The following PACSIN1 variants were observed in gnomAD, a reference collection of about 807,000 sequenced individuals.
PACSIN1 encodes the protein protein kinase C and casein kinase substrate in neurons protein 1.
PACSIN1 carries 15 observed loss-of-function variants against 59.5 expected under a neutral mutation model. The observed-to-expected ratio is 0.25, with a 90% CI of 0.17 to 0.39. The LOEUF (loss-of-function observed/expected upper bound fraction) is 0.39, where lower values mean the gene tolerates loss of function less well. Among genes scored for constraint, PACSIN1 ranks in the 10% least tolerant of loss-of-function variants. The pLI, the probability that PACSIN1 is intolerant of heterozygous loss-of-function variation, is 1.00. For synonymous variants in PACSIN1, 210 were observed against 220.6 expected (o/e 0.95, Z 0.42); for missense variants, 420 against 580.2 (o/e 0.72, Z 2.84).
chr6:34,485,099 T>C (rs901315143), intron 1 of PACSIN1: 1 of 151,938 alleles, frequency 6.6e-6, no homozygotes, highest in Non-Finnish European at 1.5e-5. Context: ...TGAGGATGAG[T>C]CAACAGGTTG....
At chr6:34,527,652 TC>T (rs1330310796) in intron 3 of PACSIN1, 164 bp downstream of exon 3, 6 of 456,644 alleles carry the variant, frequency 1.3e-5, no homozygotes, top group Non-Finnish European at 2.2e-5. Context: ...GCCTACCTGT[TC>T]ATCTCTATTT....
At chr6:34,501,459 G>A (rs1767021212) in intron 1 of PACSIN1, among the ~76,000 whole-genome samples, 1 of 152,244 alleles carries the variant, frequency 6.6e-6, no homozygotes, top group Non-Finnish European at 1.5e-5. Context: ...GCTAGGAGCA[G>A]ACGAGGTCAG....
At position 34,531,538 on chromosome 6, in the gene PACSIN1, G is replaced by C; in HGVS notation, c.1038-62G>C. ...GATCAGGGCTCTGATTAGGAGGAGC[G>C]GTTAGCCCTCGGGATGCGGTACGGG... On this transcript the variant is annotated intron_variant, in intron 8 of 9. Transcript: ENST00000244458. This position sits in a 1 kb window ranked among gnomAD's most constrained non-coding sequence, Gnocchi z 4.4. 1 of 1,537,758 alleles carries C rather than the reference G, an allele frequency of 6.5e-7. No individual in the cohort carries two copies. Among genetic ancestry groups the C allele is most frequent in the South Asian group, 1.2e-5 (1 of 86,932 alleles).
rs932143177 is a variant in PACSIN1, at chr6:34,528,854, C to A, written c.433C>A (p.Pro145Thr). 6.3e-7 allele frequency: 1 copy of A among 1,590,972 alleles called. No homozygotes were observed. The highest frequency in any genetic ancestry group is 8.6e-7 in the Non-Finnish European group (1 of 1,166,984). Residue 145 changes from proline (P) to threonine (T), a missense_variant, in exon 4 of 10, where the codon CCT (proline) becomes ACT (threonine). Pro to Thr is a conservative substitution (Grantham distance 38). Transcript: ENST00000244458. ...AGATGGCTTCCGCAAGGCCCAGAAG[C>A]CTTGGGCCAAGAAGATGAAGGAGGT... ...AEDGFRKAQK[P>T]WAKKMKELEA...
At position 34,514,717 on chromosome 6, in the gene PACSIN1, G is replaced by A. The variant is rs959983058; in HGVS notation, c.-63-11526G>A. Among the ~76,000 whole-genome samples, 2 of 152,200 alleles carry A rather than the reference G, an allele frequency of 1.3e-5. No individual in the cohort carries two copies. The highest frequency in any genetic ancestry group is 2.9e-5 in the Non-Finnish European group (2 of 68,020). ...GTTGATGCGGCGCCGTGCGGGAGGCGGGCATCCCCTGCTGTACATGGGAGG... is the reference window on the plus strand; with the variant it reads ...GTTGATGCGGCGCCGTGCGGGAGGCAGGCATCCCCTGCTGTACATGGGAGG... On this transcript the variant is annotated intron_variant, in intron 1 of 9. Coordinates refer to ENST00000244458, the MANE Select transcript of PACSIN1 (RefSeq NM_020804.5). This position sits in a 1 kb window ranked among gnomAD's most constrained non-coding sequence, Gnocchi z 4.4.
chr6:34,530,802 C>T lies in PACSIN1; in HGVS notation c.1037+215C>T, dbSNP rs1008626693. 4.6e-5 allele frequency among the ~76,000 whole-genome samples: 7 copies of T among 152,168 alleles called. No homozygotes were observed. Among genetic ancestry groups the T allele is most frequent in the Non-Finnish European group, 4.4e-5 (3 of 68,018 alleles). ...AAGACAATTTTTCCACGGATGGGAG[C>T]GGGGTGGTTTTCGGATGAAACTGTT... On this transcript the variant is annotated intron_variant, in intron 8 of 9. Coordinates refer to ENST00000244458, the MANE Select transcript of PACSIN1 (RefSeq NM_020804.5). The surrounding 1 kb of genome is among the most constrained non-coding windows in gnomAD (Gnocchi z 4.4).
In PACSIN1 at chr6:34,532,339, A is replaced by G. The variant is rs1422259484; in HGVS notation, c.1226-82A>G. 3.3e-6 allele frequency: 3 copies of G among 900,996 alleles called. No homozygotes were observed. The highest frequency in any genetic ancestry group is 2.1e-5 in the Admixed American group (1 of 47,668). 55.8% of individuals were successfully genotyped at this position (900,996 alleles called of 1,614,324 possible). On this transcript the variant is annotated intron_variant, in intron 9 of 9. Coordinates refer to ENST00000244458, the MANE Select transcript of PACSIN1 (RefSeq NM_020804.5). The surrounding 1 kb of genome is among the most constrained non-coding windows in gnomAD (Gnocchi z 5.2). Reference sequence around the variant, plus strand: ...CCAGTGCAGTAATCAGGAGGTGGGTATTGGAGGGTTCCCCTAGCAGCCGGT... The same window carrying G: ...CCAGTGCAGTAATCAGGAGGTGGGTGTTGGAGGGTTCCCCTAGCAGCCGGT...
At chr6:34,475,667 G>T (rs2127240341) in intron 1 of PACSIN1, among the ~76,000 whole-genome samples, 1 of 152,308 alleles carries the variant, frequency 6.6e-6, no homozygotes, top group Admixed American at 6.5e-5. Context: ...GCTCTCAGGG[G>T]AAGGGGGCAG....
At chr6:34,520,902 T>C (rs1005406837) in intron 1 of PACSIN1, among the ~76,000 whole-genome samples, 1 of 152,144 alleles carries the variant, frequency 6.6e-6, no homozygotes, top group African/African-American at 2.4e-5. Context: ...TGTGTCATCA[T>C]CATCATCGTC....
intron 1 of PACSIN1, among the ~76,000 whole-genome samples, chr6:34,509,314 C>G (rs1003273206): frequency 6.6e-6 from 1 of 152,198 alleles, no homozygotes; most frequent in African/African-American, 2.4e-5. Context: ...GGCACCCTCA[C>G]TGAAGATCTG....
chr6:34,532,330 G>A lies in PACSIN1; in HGVS notation c.1226-91G>A, dbSNP rs1410095902. The A allele has an allele frequency of 2.5e-6, 2 of 806,740 alleles. No homozygotes were observed. The highest frequency in any genetic ancestry group is 1.7e-5 in the African/African-American group (1 of 58,370). The allele number at this position is 806,740 out of a possible 1,614,324, so 50.0% of individuals were successfully genotyped here. On this transcript the variant is annotated intron_variant, in intron 9 of 9. Coordinates refer to ENST00000244458, the MANE Select transcript of PACSIN1 (RefSeq NM_020804.5). This position sits in a 1 kb window ranked among gnomAD's most constrained non-coding sequence, Gnocchi z 5.2. ...ATCTAAAACCCAGTGCAGTAATCAG[G>A]AGGTGGGTATTGGAGGGTTCCCCTA...
intron 1 of PACSIN1, among the ~76,000 whole-genome samples, chr6:34,508,286 G>A (rs916207546): frequency 6.6e-6 from 1 of 152,076 alleles, no homozygotes; most frequent in Non-Finnish European, 1.5e-5. Flanking sequence ...TGTATTCTTA[G>A]TAGAGATGGG....
intron 1 of PACSIN1, among the ~76,000 whole-genome samples, chr6:34,501,005 T>C (rs1225647427): frequency 6.6e-6 from 1 of 152,252 alleles, no homozygotes; most frequent in African/African-American, 2.4e-5. Context: ...AGTCTTGGAT[T>C]AGGCTTTGGC....
rs1418441754 is a variant in PACSIN1, at chr6:34,516,271, G to A, written c.-63-9972G>A. On this transcript the variant is annotated intron_variant, in intron 1 of 9. Transcript: ENST00000244458. The surrounding 1 kb of genome is among the most constrained non-coding windows in gnomAD (Gnocchi z 5.4). ...CATGATGGGTAGGGGCATACACGCT[G>A]AGAAGCTGGCGTGGCTCTGCTCATT... Among the ~76,000 whole-genome samples, 3 of 152,194 alleles carry A rather than the reference G, an allele frequency of 2.0e-5. No individual in the cohort carries two copies. The East Asian group carries it at 5.8e-4, about 29-fold the overall frequency.
intron 1 of PACSIN1, among the ~76,000 whole-genome samples, chr6:34,505,008 T>G (rs1767087578): frequency 6.6e-6 from 1 of 151,312 alleles, no homozygotes; most frequent in Non-Finnish European, 1.5e-5. Flanking sequence ...TATTTTAGAT[T>G]TTTTTTTAGG....
At chr6:34,466,594 G>A (rs1390142288) in intron 1 of PACSIN1, among the ~76,000 whole-genome samples, 1 of 152,188 alleles carries the variant, frequency 6.6e-6, no homozygotes, top group Non-Finnish European at 1.5e-5. Context: ...CGGGCGGTCC[G>A]GGTCTCTGGA....
intron 1 of PACSIN1, 29 bp downstream of exon 1, chr6:34,466,299 CG>C (rs1171451543): frequency 1.3e-5 from 2 of 152,194 alleles, no homozygotes; most frequent in Admixed American, 6.6e-5. Context: ...GAATAGAGGG[CG>C]GGGGGGTTGT....
intron 1 of PACSIN1, among the ~76,000 whole-genome samples, chr6:34,506,032 T>C (rs994350701): frequency 1.3e-5 from 2 of 152,182 alleles, no homozygotes; most frequent in Non-Finnish European, 2.9e-5. Context: ...CATAATTGCT[T>C]AGGCTTTCTA....
chr6:34,474,412 G>C (rs115090533), intron 1 of PACSIN1, among the ~76,000 whole-genome samples: 2,529 of 152,148 alleles, frequency 0.017, 56 homozygotes, highest in African/African-American at 0.055. Context: ...ACCAGCCAAA[G>C]GTCCTTTAAA....
Sources: allele counts gnomAD v4.1 joint callset (sites outside exome capture counted in the v4.1 genomes callset), GRCh38; gene constraint gnomAD v4.1.1; non-coding constraint Gnocchi (gnomAD v3.1); transcripts MANE v1.5; gene names NCBI Gene and HGNC (gene_info 2026-07-23, HGNC 2026-07-21).